Variants in BTG4 observed in about 807,000 individuals in gnomAD.
BTG4 encodes the protein BTG anti-proliferation factor 4.
Under a neutral mutation model 19.3 loss-of-function variants are expected in BTG4, and 10 were observed. That is an observed-to-expected ratio of 0.52 (90% CI 0.32 to 0.88). BTG4 has a LOEUF of 0.88. Ranked by LOEUF, BTG4 falls within the 40% of genes least tolerant of loss-of-function variation. BTG4 has a pLI of 0.04. For missense variants in BTG4, 238 were observed against 281.9 expected (o/e 0.84, Z 1.11); for synonymous variants, 91 against 95.7 (o/e 0.95, Z 0.29).
the BTG4 span, among the ~76,000 whole-genome samples, chr11:111,440,540 C>T: frequency 2.0e-5 from 3 of 152,216 alleles, no homozygotes; most frequent in African/African-American, 2.4e-5. Flanking sequence ...CTCAAACCAA[C>T]ATCCTACCCC....
chr11:111,471,659 T>C (rs1300005028), intron 5 of BTG4, among the ~76,000 whole-genome samples: 3 of 152,078 alleles, frequency 2.0e-5, no homozygotes, highest in Non-Finnish European at 4.4e-5. Context: ...CCCTTGAAGG[T>C]CTCTTCTAGT....
chr11:111,493,299 C>T (rs148382649), downstream of BTG4, among the ~76,000 whole-genome samples: 1,209 of 152,200 alleles, frequency 7.9e-3, 17 homozygotes, highest in Non-Finnish European at 0.012. Context: ...GTAAAGATTA[C>T]CTTAGGATAG....
Position 111,499,311 on chromosome 11 carries a change from T to C in BTG4, c.-26-509A>G, listed in dbSNP as rs1251520840. 2.6e-5 allele frequency among the ~76,000 whole-genome samples: 4 copies of C among 152,334 alleles called. No homozygotes were observed. In the East Asian group the frequency reaches 7.7e-4, roughly 29 times the overall value. On this transcript the variant is annotated intron_variant, in intron 1 of 4. Transcript: ENST00000692032. ...GACCAACCGCACTATCCCTTATGTT[T>C]CCAACTCTCACCCACACCTGTTCGT...
At chr11:111,451,346 G>T in the BTG4 span, 1 of 447,730 alleles carries the variant, frequency 2.2e-6, no homozygotes, top group South Asian at 1.6e-5. Context: ...GCCTCTTTCT[G>T]CAGCAGTTCC....
chr11:111,435,708 G>C, the BTG4 span, among the ~76,000 whole-genome samples: 1 of 152,294 alleles, frequency 6.6e-6, no homozygotes, highest in Middle Eastern at 3.4e-3. Flanking sequence ...CCCAAGGGGA[G>C]CAGAGATGTT....
At chr11:111,509,076 A>G (rs1254307907) in intron 1 of BTG4, among the ~76,000 whole-genome samples, 1 of 152,190 alleles carries the variant, frequency 6.6e-6, no homozygotes, top group Non-Finnish European at 1.5e-5. Context: ...AACAGTATTG[A>G]TTAATCAATA....
At chr11:111,404,010 C>T in the BTG4 span, among the ~76,000 whole-genome samples, 1 of 152,222 alleles carries the variant, frequency 6.6e-6, no homozygotes, top group African/African-American at 2.4e-5. Flanking sequence ...CCACCCAAAT[C>T]TCATCCTGAA....
chr11:111,442,122 G>A, the BTG4 span, among the ~76,000 whole-genome samples: 1 of 152,012 alleles, frequency 6.6e-6, no homozygotes, highest in Non-Finnish European at 1.5e-5. Flanking sequence ...CTAACACCCA[G>A]ACTTTGGTTT....
chr11:111,421,259 G>A, the BTG4 span, among the ~76,000 whole-genome samples: 1 of 152,140 alleles, frequency 6.6e-6, no homozygotes, highest in Non-Finnish European at 1.5e-5. Context: ...CTTGGGGGAG[G>A]ATGAGATGGC....
the BTG4 span, among the ~76,000 whole-genome samples, chr11:111,441,405 C>T: frequency 6.6e-6 from 1 of 151,914 alleles, no homozygotes; most frequent in East Asian, 1.9e-4. Context: ...GCTCCTTGAG[C>T]ACCAGAGTCA....
At chr11:111,455,521 C>A in the BTG4 span, 1 of 244,920 alleles carries the variant, frequency 4.1e-6, no homozygotes, top group South Asian at 5.0e-5. Context: ...GAGCAGTGGG[C>A]CTCTTTCTGC....
intron 1 of BTG4, among the ~76,000 whole-genome samples, chr11:111,506,021 T>C (rs1376406891): frequency 6.6e-6 from 1 of 152,152 alleles, no homozygotes; most frequent in Non-Finnish European, 1.5e-5. Flanking sequence ...CACACACTGT[T>C]GGTGGGAATG....
Position 111,497,349 on chromosome 11 carries a change from C to A in BTG4, c.372G>T (p.Trp124Cys), listed in dbSNP as rs2135677247. ...CATAACTGATTTGTTGATATAGTTC[C>A]CATTCCTCCCATCTGCCTTTAAAAG... ...VASFKGRWEE[W>C]ELYQQISYAV... The change falls in exon 4 of 5, where the codon TGG (tryptophan) becomes TGT (cysteine). Residue 124 changes from tryptophan (W) to cysteine (C), a missense_variant. By Grantham distance (215) the Trp-to-Cys change is radical. Coordinates refer to ENST00000692032, the MANE Select transcript of BTG4 (RefSeq NM_001367975.1). 1 of 1,492,354 alleles carries A rather than the reference C, an allele frequency of 6.7e-7. No homozygotes were observed. 92.4% of individuals were successfully genotyped at this position (1,492,354 alleles called of 1,614,324 possible).
At chr11:111,485,155 A>G (rs1360674040) in intron 5 of BTG4, among the ~76,000 whole-genome samples, 2 of 152,140 alleles carry the variant, frequency 1.3e-5, no homozygotes, top group Non-Finnish European at 1.5e-5. Flanking sequence ...CCTCAATACA[A>G]TATCTGGGAA....
At chr11:111,511,042 A>G (rs986167614) in intron 1 of BTG4, among the ~76,000 whole-genome samples, 1 of 152,224 alleles carries the variant, frequency 6.6e-6, no homozygotes, top group Admixed American at 6.5e-5. Context: ...AATGAAGACT[A>G]TTTTGCTCCT....
the BTG4 span, among the ~76,000 whole-genome samples, chr11:111,448,220 C>T: frequency 2.0e-5 from 3 of 152,182 alleles, no homozygotes; most frequent in Admixed American, 6.5e-5. Context: ...CACCAGGATG[C>T]AGAGAGGGTA....
At chr11:111,409,325 T>C in the BTG4 span, among the ~76,000 whole-genome samples, 1 of 152,178 alleles carries the variant, frequency 6.6e-6, no homozygotes, top group Non-Finnish European at 1.5e-5. Context: ...CAGGGCCTAA[T>C]AGGAGCTGGT....
the BTG4 span, among the ~76,000 whole-genome samples, chr11:111,426,883 A>G: frequency 6.6e-6 from 1 of 152,198 alleles, no homozygotes; most frequent in Non-Finnish European, 1.5e-5. Flanking sequence ...TTAGCAGAGC[A>G]TGTTTTCTGG....
chr11:111,386,497 T>G, the BTG4 span, among the ~76,000 whole-genome samples: 1 of 152,216 alleles, frequency 6.6e-6, no homozygotes, highest in Non-Finnish European at 1.5e-5. Context: ...CAGGGCAGTT[T>G]GTAAAGTCAG....
Sources: gnomAD v4.1 joint callset for allele counts (sites outside exome capture counted in the v4.1 genomes callset) on GRCh38, gnomAD v4.1.1 for gene constraint, MANE v1.5 for transcripts, NCBI Gene and HGNC (gene_info 2026-07-23, HGNC 2026-07-21) for gene names.